Variants in PNPLA8 observed in about 807,000 individuals in gnomAD.
The protein encoded by PNPLA8 is patatin like domain 8, phospholipase A2, also known as calcium-independent phospholipase A2-gamma.
Under a neutral mutation model 76.9 loss-of-function variants are expected in PNPLA8, and 39 were observed. That is an observed-to-expected ratio of 0.51 (90% CI 0.39 to 0.66). The LOEUF (loss-of-function observed/expected upper bound fraction) is 0.66. PNPLA8 is among the 30% of genes least tolerant of loss of function. The pLI, the probability that PNPLA8 is intolerant of heterozygous loss-of-function variation, is 0.00. For missense variants in PNPLA8, 887 were observed against 918.0 expected (o/e 0.97, Z 0.44); for synonymous variants, 301 against 307.9 (o/e 0.98, Z 0.24).
At chr7:108,513,662 T>C (rs1863093492) in intron 4 of PNPLA8, among the ~76,000 whole-genome samples, 1 of 152,260 alleles carries the variant, frequency 6.6e-6, no homozygotes, top group South Asian at 2.1e-4. Context: ...TATTTTATAG[T>C]TGAAAAAACT....
chr7:108,514,258 C>G lies in PNPLA8; in HGVS notation c.1092G>C (p.Arg364=). 1 of 1,611,990 alleles carries G rather than the reference C, an allele frequency of 6.2e-7. No individual in the cohort carries two copies. Among genetic ancestry groups the G allele is most frequent in the Non-Finnish European group, 8.5e-7 (1 of 1,178,166 alleles). ...IARVSIDNRT[R]ALVQALRRTT... ...TTCTTCTTAATGCCTGAACTAATGC[C>G]CGGGTCCTGTTATCAATACTCACCC... The change falls in exon 4 of 11, where the codon CGG becomes CGC. Residue 364 remains arginine (R), a synonymous_variant. Transcript: ENST00000257694.
At chr7:108,502,442 CAAAAAAAAA>C (rs369261888) in intron 5 of PNPLA8, 40 bp downstream of exon 5, 131 of 624,158 alleles carry the variant, frequency 2.1e-4, no homozygotes, top group African/African-American at 1.0e-3. Flanking sequence ...AACTCCATCT[CAAAAAAAAA>C]AAAAAAAAAA....
chr7:108,478,104 A>G (rs9640707), intron 10 of PNPLA8, among the ~76,000 whole-genome samples: 97,273 of 152,060 alleles, frequency 0.64, 31,568 homozygotes, highest in African/African-American at 0.75. Context: ...AAAGAAGCAG[A>G]CTGAGAAATT....
At position 108,514,842 on chromosome 7, in the gene PNPLA8, C is replaced by G. The variant is rs35597447; in HGVS notation, c.650G>C (p.Arg217Pro). 7.5e-5 allele frequency: 121 copies of G among 1,611,958 alleles called. 1 individual carries two copies. The African/African-American group carries it at 9.2e-4, about 12-fold the overall frequency. The part of the protein sequence containing the change: ...LSNHINSYFK[R>P]KEKMSQQKEN... ...CTTTTGTTGAGACATTTTTTCCTTA[C>G]GTTTGAAATATGAATTAATATGATT... The change falls in exon 3 of 11, where the codon CGT becomes CCT. Residue 217 changes from arginine to proline, a missense_variant. Arg to Pro is a moderately radical substitution (Grantham distance 103). Transcript: ENST00000257694.
At chr7:108,526,506 C>T (rs149379294), upstream of PNPLA8, among the ~76,000 whole-genome samples, 22 of 152,340 alleles carry the variant, frequency 1.4e-4, no homozygotes, top group Middle Eastern at 3.4e-3. Flanking sequence ...TGTTTGCGGG[C>T]CGCTATTCCC....
intron 7 of PNPLA8, among the ~76,000 whole-genome samples, chr7:108,493,568 C>CTTTTTT (rs34935118): frequency 5.4e-4 from 44 of 81,218 alleles, no homozygotes; most frequent in Non-Finnish European, 6.3e-4. Flanking sequence ...CCATGCCTGG[C>CTTTTTT]TTTTTTTTTT....
At chr7:108,502,843 G>A (rs1047991031) in intron 4 of PNPLA8, 4 of 373,256 alleles carry the variant, frequency 1.1e-5, no homozygotes, top group African/African-American at 4.2e-5. Context: ...TAATATTGAG[G>A]ACAAAAATTA....
chr7:108,514,360 T>C, intron 3 of PNPLA8, 67 bp from the exon 4 acceptor site: 1 of 1,525,380 alleles, frequency 6.6e-7, no homozygotes, highest in Middle Eastern at 1.7e-4. Flanking sequence ...TGAAAGTTTC[T>C]TAGTTCTCAT....
intron 10 of PNPLA8, among the ~76,000 whole-genome samples, chr7:108,478,564 G>A (rs1039072784): frequency 7.9e-5 from 12 of 151,964 alleles, no homozygotes; most frequent in African/African-American, 2.9e-4. Context: ...CTAATTTTTT[G>A]TATTTTCAGT....
In PNPLA8 at chr7:108,515,318, T is replaced by TTC; in HGVS notation, c.173_174insGA (p.Trp59AsnfsTer27). ...AAGAATGTGCTTCACTTTTGGTCCA[T>TTC]TTACATCTTATTATGTTTGTATGAA... is the stretch of plus-strand genomic sequence containing the variant. On this transcript the variant is annotated frameshift_variant, in exon 3 of 11. Transcript: ENST00000257694. LOFTEE classifies it high-confidence loss of function. 1 of 1,613,376 alleles carries TTC rather than the reference T, an allele frequency of 6.2e-7. No homozygotes were observed. Among genetic ancestry groups the TTC allele is most frequent in the Non-Finnish European group, 8.5e-7 (1 of 1,179,732 alleles).
intron 7 of PNPLA8, 160 bp downstream of exon 7, chr7:108,496,424 T>C: frequency 2.0e-6 from 1 of 490,556 alleles, no homozygotes; most frequent in Non-Finnish European, 3.5e-6. Context: ...ACCAAAATAC[T>C]AACAGTGGTT....
Position 108,472,661 on chromosome 7 carries a change from G to A in PNPLA8, c.2089C>T (p.Leu697Phe). 2 of 1,579,688 alleles carry A rather than the reference G, an allele frequency of 1.3e-6. No individual in the cohort carries two copies. The highest frequency in any genetic ancestry group is 1.2e-5 in the South Asian group (1 of 84,198). Residue 697 changes from leucine to phenylalanine, a missense_variant, in exon 11 of 11, where the codon CTT (leucine) becomes TTT (phenylalanine). By Grantham distance (22) the Leu-to-Phe change is conservative. Coordinates refer to ENST00000257694, the MANE Select transcript of PNPLA8 (RefSeq NM_001256007.3). ...ATDTEEVHIM[L>F]DGLLPPDTYF... ...GTGTCAGGAGGTAACAGGCCATCAA[G>A]CATTATATGGACTTCTGTTAAAGCA...
At chr7:108,473,753 A>C (rs2154514596) in intron 10 of PNPLA8, among the ~76,000 whole-genome samples, 1 of 152,316 alleles carries the variant, frequency 6.6e-6, no homozygotes, top group East Asian at 1.9e-4. Context: ...TGTCCTATAT[A>C]TATGACAGTG....
At chr7:108,506,360 A>G (rs564319360) in intron 4 of PNPLA8, among the ~76,000 whole-genome samples, 2 of 152,104 alleles carry the variant, frequency 1.3e-5, no homozygotes, top group African/African-American at 2.4e-5. Context: ...CCTGGACAAC[A>G]GAGCGACACT....
chr7:108,497,947 T>G (rs1861662129), intron 5 of PNPLA8, among the ~76,000 whole-genome samples: 2 of 149,238 alleles, frequency 1.3e-5, no homozygotes, highest in Non-Finnish European at 1.5e-5. Flanking sequence ...GAGGATCACT[T>G]GAGGCCAGGA....
intron 9 of PNPLA8, 169 bp from the exon 10 acceptor site, chr7:108,479,548 A>G: frequency 1.6e-6 from 1 of 633,870 alleles, no homozygotes; most frequent in Non-Finnish European, 2.8e-6. Flanking sequence ...TTGGTCTCAT[A>G]AAGAAACTTT....
intron 1 of PNPLA8, 90 bp from the exon 2 acceptor site, chr7:108,521,611 A>C: frequency 6.1e-6 from 1 of 163,958 alleles, no homozygotes; most frequent in Non-Finnish European, 1.3e-5. Flanking sequence ...GGAGGGGAAG[A>C]AGGCCACAGA....
chr7:108,520,538 G>C (rs911431784), intron 2 of PNPLA8, among the ~76,000 whole-genome samples: 1 of 152,186 alleles, frequency 6.6e-6, no homozygotes, highest in East Asian at 1.9e-4. Context: ...GAATAGTACA[G>C]TAGGGGGACT....
At chr7:108,521,429 T>C (rs1863731651) in intron 2 of PNPLA8, 47 bp downstream of exon 2, 6 of 416,724 alleles carry the variant, frequency 1.4e-5, no homozygotes, top group South Asian at 9.9e-5. Flanking sequence ...AGGCATTAAT[T>C]ATGGATAAAA....
Sources: gnomAD v4.1 joint callset for allele counts (sites outside exome capture counted in the v4.1 genomes callset) on GRCh38, gnomAD v4.1.1 for gene constraint, MANE v1.5 for transcripts, NCBI Gene and HGNC (gene_info 2026-07-23, HGNC 2026-07-21) for gene names.